TOMM70: variants seen among roughly 807,000 people sequenced by gnomAD.
TOMM70 encodes the protein translocase of outer mitochondrial membrane 70.
In TOMM70, 13 loss-of-function variants were observed where a neutral mutation model predicts 73.6. The ratio of observed to expected loss-of-function variants is 0.18; its 90% confidence interval spans 0.11 to 0.28. TOMM70 has a LOEUF of 0.28. Among genes scored for constraint, TOMM70 ranks in the 10% least tolerant of loss-of-function variants. The probability of loss-of-function intolerance (pLI) is 1.00; values close to 1 mark genes in which losing one functional copy is unlikely to be tolerated. For synonymous variants in TOMM70, 257 were observed against 271.2 expected, an observed-to-expected ratio of 0.95 and a Z score of 0.51; for missense variants, 609 against 747.5, an observed-to-expected ratio of 0.81 and a Z score of 2.16.
intron 4 of TOMM70, 85 bp downstream of exon 4, chr3:100,384,394 T>G (rs1239023077): frequency 1.1e-6 from 1 of 888,492 alleles, no homozygotes; most frequent in East Asian, 2.5e-5. Flanking sequence ...ATTACCACTA[T>G]GCCTAAGCTT....
chr3:100,382,589 A>G (rs1233504682), intron 4 of TOMM70, among the ~76,000 whole-genome samples: 1 of 152,218 alleles, frequency 6.6e-6, no homozygotes, highest in African/African-American at 2.4e-5. Flanking sequence ...GTACTTTACT[A>G]AAGACACTGA....
chr3:100,364,061 C>T lies in TOMM70; in HGVS notation c.*1503G>A, dbSNP rs1187978657. On this transcript the variant is annotated 3_prime_UTR_variant, in exon 12 of 12. Coordinates refer to ENST00000284320, the MANE Select transcript of TOMM70 (RefSeq NM_014820.5). ...AATTCGTTCTTAAATAAACCTCTCC[C>T]CATCCTGAGTATTTCAAAACAAAAG... The T allele has an allele frequency of 6.6e-6, 1 of 152,132 alleles. No individual in the cohort carries two copies. Among genetic ancestry groups the T allele is most frequent in the Non-Finnish European group, 1.5e-5 (1 of 68,036 alleles). 9.4% of individuals were successfully genotyped at this position (152,132 alleles called of 1,614,324 possible).
At chr3:100,385,737 A>T (rs758855108) in intron 3 of TOMM70, among the ~76,000 whole-genome samples, 75 of 152,192 alleles carry the variant, frequency 4.9e-4, no homozygotes, top group Non-Finnish European at 1.0e-3. Flanking sequence ...TTAGGTATAA[A>T]ACAATAATTT....
intron 5 of TOMM70, among the ~76,000 whole-genome samples, chr3:100,380,581 C>A (rs1038086094): frequency 6.6e-6 from 1 of 152,206 alleles, no homozygotes; most frequent in African/African-American, 2.4e-5. Flanking sequence ...TAGCTAGCTA[C>A]GTCCTACCAT....
At chr3:100,376,425 C>A (rs11719295) in intron 6 of TOMM70, among the ~76,000 whole-genome samples, 4,283 of 140,278 alleles carry the variant, frequency 0.031, 99 homozygotes, top group Middle Eastern at 0.065. Context: ...TACAGTGGCA[C>A]AAGTCACGGC....
At chr3:100,372,865 G>A (rs1706525978) in intron 8 of TOMM70, 143 bp from the exon 9 acceptor site, 2 of 691,420 alleles carry the variant, frequency 2.9e-6, no homozygotes, top group Non-Finnish European at 4.8e-6. Flanking sequence ...AGGGTTCCAA[G>A]TAGGTATCTC....
At chr3:100,386,446 A>C in intron 2 of TOMM70, 102 bp from the exon 3 acceptor site, 1 of 1,221,912 alleles carries the variant, frequency 8.2e-7, no homozygotes, top group Non-Finnish European at 1.1e-6. Flanking sequence ...CCTAGAATAA[A>C]AAAGTATTCC....
Position 100,381,598 on chromosome 3 carries a change from A to C in TOMM70, c.884+17T>G. 6.2e-7 allele frequency: 1 copy of C among 1,610,856 alleles called. No individual in the cohort carries two copies. The highest frequency in any genetic ancestry group is 8.5e-7 in the Non-Finnish European group (1 of 1,178,142). On this transcript the variant is annotated intron_variant, in intron 5 of 11. Coordinates refer to ENST00000284320, the MANE Select transcript of TOMM70 (RefSeq NM_014820.5). ...CCCAAAACACCACTAAGTAGACACT[A>C]TGCTTGACATACTTACTTTTCTTTC...
At position 100,400,812 on chromosome 3, in the gene TOMM70, C is replaced by A. The variant is rs1459054876; in HGVS notation, c.138G>T (p.Gly46=). Reference sequence around the variant, plus strand: ...CACCCGCGCCCAGCAGCAGGGGTGCCCCGACCGCCAGAGCCAGCTGCCATC... The same window carrying A: ...CACCCGCGCCCAGCAGCAGGGGTGCACCGACCGCCAGAGCCAGCTGCCATC... The part of the protein sequence containing the change: ...LPRWQLALAV[G]APLLLGAGAI... Residue 46 remains glycine (G), a synonymous_variant, in exon 1 of 12, where the codon GGG becomes GGT. Coordinates refer to ENST00000284320, the MANE Select transcript of TOMM70 (RefSeq NM_014820.5). The A allele has an allele frequency of 2.0e-6, 3 of 1,529,684 alleles. No homozygotes were observed. The highest frequency in any genetic ancestry group is 1.4e-5 in the African/African-American group (1 of 71,426). 94.8% of individuals were successfully genotyped at this position (1,529,684 alleles called of 1,614,324 possible). A position where few individuals can be genotyped will look rare whatever the true frequency, so the allele number is the denominator to read the frequency against.
Position 100,364,299 on chromosome 3 carries a change from C to T in TOMM70, c.*1265G>A, listed in dbSNP as rs1706424322. The T allele has an allele frequency of 6.6e-6, 1 of 152,162 alleles. No homozygotes were observed. The highest frequency in any genetic ancestry group is 1.5e-5 in the Non-Finnish European group (1 of 68,046). 9.4% of individuals were successfully genotyped at this position (152,162 alleles called of 1,614,324 possible). ...AGGTTAGCTCACTACAAAAAGCACT[C>T]TACATGTCCTCAGCATCTTCAAAAA... On this transcript the variant is annotated 3_prime_UTR_variant, in exon 12 of 12. Transcript: ENST00000284320.
chr3:100,380,627 T>C (rs1706622770), intron 5 of TOMM70, among the ~76,000 whole-genome samples: 1 of 152,196 alleles, frequency 6.6e-6, no homozygotes, highest in South Asian at 2.1e-4. Context: ...GGTATTAAAT[T>C]CATTATAGTT....
At chr3:100,375,177 T>C (rs772452021) in intron 6 of TOMM70, 25 bp from the exon 7 acceptor site, 2 of 1,524,800 alleles carry the variant, frequency 1.3e-6, no homozygotes, top group East Asian at 4.8e-5. Context: ...TGAGGAAAGG[T>C]TCATCATTAC....
intron 1 of TOMM70, among the ~76,000 whole-genome samples, chr3:100,399,754 T>C (rs1706868068): frequency 8.1e-6 from 1 of 123,460 alleles, no homozygotes; most frequent in East Asian, 2.4e-4. Context: ...TTTTTTTTTT[T>C]GTATGTGTGT....
chr3:100,378,771 C>A (rs1315279682), intron 5 of TOMM70, among the ~76,000 whole-genome samples: 1 of 152,144 alleles, frequency 6.6e-6, no homozygotes, highest in African/African-American at 2.4e-5. Context: ...CTTTGGGAGG[C>A]AGAGGTGGGC....
Position 100,386,824 on chromosome 3 carries a change from G to C in TOMM70, c.479C>G (p.Ala160Gly). The C allele has an allele frequency of 6.2e-7, 1 of 1,614,094 alleles. No homozygotes were observed. Among genetic ancestry groups the C allele is most frequent in the Non-Finnish European group, 8.5e-7 (1 of 1,180,004 alleles). Residue 160 changes from alanine to glycine, a missense_variant, in exon 2 of 12, where the codon GCT becomes GGT. Physicochemically the swap from Ala to Gly is moderately conservative, Grantham distance 60 (BLOSUM62 0). Around this residue, in one of 2 missense-constraint regions of TOMM70, gnomAD observed 432 missense variants for 584.1 expected, o/e 0.74. Coordinates refer to ENST00000284320, the MANE Select transcript of TOMM70 (RefSeq NM_014820.5). The stretch of plus-strand genomic sequence containing the variant: ...ACATACCAACTGTTCAAAGGCAGCA[G>C]CTCTGTTTTGATAAAATGTAGAAAG... ...VDLSTFYQNR[A>G]AAFEQLQKWK...
At chr3:100,381,427 G>C (rs1458263460) in intron 5 of TOMM70, among the ~76,000 whole-genome samples, 188 bp downstream of exon 5, 2 of 152,046 alleles carry the variant, frequency 1.3e-5, no homozygotes, top group Admixed American at 1.3e-4. Flanking sequence ...AGAAGTAACA[G>C]ATACATGCTA....
intron 7 of TOMM70, 45 bp downstream of exon 7, chr3:100,374,973 A>C: frequency 6.8e-7 from 1 of 1,480,936 alleles, no homozygotes; most frequent in Non-Finnish European, 9.0e-7. Context: ...ATGGTATCAA[A>C]GCTCAATCCA....
chr3:100,400,770 A>T lies in TOMM70; in HGVS notation c.180T>A (p.Ser60Arg). 1.3e-6 allele frequency: 2 copies of T among 1,580,534 alleles called. No homozygotes were observed. Among genetic ancestry groups the T allele is most frequent in the Middle Eastern group, 1.8e-4 (1 of 5,550 alleles). Residue 60 changes from serine (S) to arginine (R), a missense_variant, in exon 1 of 12, where the codon AGT (serine) becomes AGA (arginine). Around this residue, in one of 2 missense-constraint regions of TOMM70, gnomAD observed 177 missense variants for 163.5 expected, o/e 1.08. Transcript: ENST00000284320. ...LLGAGAIYLW[S>R]RQQRRREARG... The stretch of plus-strand genomic sequence containing the variant: ...TGGCCTCCCGGCGCCGTTGCTGCCG[A>T]CTCCACAGGTATATGGCACCCGCGC...
intron 1 of TOMM70, among the ~76,000 whole-genome samples, chr3:100,388,540 T>C (rs1204652630): frequency 2.0e-5 from 3 of 152,038 alleles, no homozygotes; most frequent in Non-Finnish European, 2.9e-5. Context: ...TATTGAGACA[T>C]TGAGACCAGA....
Sources: gnomAD v4.1 joint callset for allele counts (sites outside exome capture counted in the v4.1 genomes callset) on GRCh38, gnomAD v4.1.1 for gene constraint, gnomAD v4.1.1 regional missense constraint, MANE v1.5 for transcripts, NCBI Gene and HGNC (gene_info 2026-07-23, HGNC 2026-07-21) for gene names.